Variants in CSNK1G1 observed in about 807,000 individuals in gnomAD.
CSNK1G1 encodes the protein casein kinase 1 gamma 1.
Under a neutral mutation model 59.6 loss-of-function variants are expected in CSNK1G1, and 22 were observed. That is an observed-to-expected ratio of 0.37 (90% CI 0.26 to 0.53). CSNK1G1 has a LOEUF of 0.53. Ranked by LOEUF, CSNK1G1 falls within the 20% of genes least tolerant of loss-of-function variation. CSNK1G1 has a pLI of 0.89. For missense variants in CSNK1G1, 384 were observed against 519.5 expected (o/e 0.74, Z 2.54); for synonymous variants, 179 against 177.1 (o/e 1.01, Z -0.08).
chr15:64,205,021 C>T (rs2140250186), intron 7 of CSNK1G1, 72 bp from the exon 8 acceptor site: 1 of 860,160 alleles, frequency 1.2e-6, no homozygotes, highest in South Asian at 1.7e-5. Flanking sequence ...TGTTTTTGGA[C>T]ACAATGGTTG....
rs1001050849 is a variant in CSNK1G1 at position 64,216,295 on chromosome 15, T to C, written c.444+267A>G. 6.6e-6 allele frequency among the ~76,000 whole-genome samples: 1 copy of C among 152,130 alleles called. No individual in the cohort carries two copies. Among genetic ancestry groups the C allele is most frequent in the African/African-American group, 2.4e-5 (1 of 41,426 alleles). ...TACAACTCCATCTAATCGACCTCTT[T>C]CTCCCTAATCTAAATTATATACTTC... On this transcript the variant is annotated intron_variant, in intron 5 of 11. Coordinates refer to ENST00000303052, the MANE Select transcript of CSNK1G1 (RefSeq NM_022048.5). This position sits in a 1 kb window ranked among gnomAD's most constrained non-coding sequence, Gnocchi z 4.6.
chr15:64,199,399 G>A (rs1356163124), intron 10 of CSNK1G1, among the ~76,000 whole-genome samples: 2 of 152,108 alleles, frequency 1.3e-5, no homozygotes, highest in Admixed American at 1.3e-4. Flanking sequence ...ACTGTGGTCA[G>A]AGACTTTTCA....
chr15:64,177,855 T>C (rs2081759472), intron 11 of CSNK1G1, among the ~76,000 whole-genome samples: 2 of 152,204 alleles, frequency 1.3e-5, no homozygotes, highest in African/African-American at 4.8e-5. Context: ...ATTACTGCAT[T>C]CAAAGTATAC....
At chr15:64,255,644 G>A (rs982737020) in intron 3 of CSNK1G1, among the ~76,000 whole-genome samples, 1 of 152,174 alleles carries the variant, frequency 6.6e-6, no homozygotes, top group Non-Finnish European at 1.5e-5. Context: ...CTTAGGCAAA[G>A]TAATTTCAAA....
chr15:64,345,602 T>C (rs1897911579), intron 1 of CSNK1G1, among the ~76,000 whole-genome samples: 1 of 152,200 alleles, frequency 6.6e-6, no homozygotes, highest in East Asian at 1.9e-4. Context: ...ATGAAATAAT[T>C]AAGCAGTTGT....
At chr15:64,285,829 C>G (rs1894378034) in intron 2 of CSNK1G1, among the ~76,000 whole-genome samples, 1 of 151,728 alleles carries the variant, frequency 6.6e-6, no homozygotes, top group Non-Finnish European at 1.5e-5. Context: ...GGAGTGAGAT[C>G]ACTCTAGTTA....
At chr15:64,323,510 C>T (rs1896678129) in intron 1 of CSNK1G1, among the ~76,000 whole-genome samples, 1 of 152,028 alleles carries the variant, frequency 6.6e-6, no homozygotes, top group Non-Finnish European at 1.5e-5. Flanking sequence ...CGATTACAGG[C>T]ATGTGCCACC....
At chr15:64,307,014 GA>G (rs147358658) in intron 1 of CSNK1G1, among the ~76,000 whole-genome samples, 6,561 of 151,518 alleles carry the variant, frequency 0.043, 243 homozygotes, top group Non-Finnish European at 0.064. Context: ...GAGCCCAGGG[GA>G]TTTTTAGAGC....
At chr15:64,353,871 T>C (rs1027724235) in intron 1 of CSNK1G1, among the ~76,000 whole-genome samples, 4 of 152,204 alleles carry the variant, frequency 2.6e-5, no homozygotes, top group African/African-American at 9.6e-5. Context: ...GTTTCTTGGA[T>C]TTATTTCTAT....
intron 1 of CSNK1G1, among the ~76,000 whole-genome samples, chr15:64,308,172 G>T (rs1004885108): frequency 6.6e-6 from 1 of 152,048 alleles, no homozygotes; most frequent in African/African-American, 2.4e-5. Flanking sequence ...ATTTGTCTTT[G>T]GGTTTACACC....
intron 10 of CSNK1G1, chr15:64,189,461 G>A: frequency 7.8e-7 from 1 of 1,285,056 alleles, no homozygotes; most frequent in Non-Finnish European, 1.0e-6. Flanking sequence ...ATAATGCTCA[G>A]CTGTAACAGT....
chr15:64,336,137 C>T (rs768976449), intron 1 of CSNK1G1, among the ~76,000 whole-genome samples: 4 of 152,138 alleles, frequency 2.6e-5, no homozygotes, highest in African/African-American at 9.7e-5. Flanking sequence ...CTCTGACTTA[C>T]GTACCTAAAC....
chr15:64,318,255 G>A (rs976653709), intron 1 of CSNK1G1, among the ~76,000 whole-genome samples: 4 of 151,914 alleles, frequency 2.6e-5, no homozygotes, highest in Admixed American at 6.6e-5. Context: ...TTCCCGTGAC[G>A]TATCAGTAGG....
chr15:64,255,766 A>G (rs1245784547), intron 3 of CSNK1G1, among the ~76,000 whole-genome samples: 2 of 152,212 alleles, frequency 1.3e-5, no homozygotes, highest in African/African-American at 4.8e-5. Flanking sequence ...TATAGAATCC[A>G]TTAATCAAAG....
chr15:64,314,570 A>T (rs1168479416), intron 1 of CSNK1G1, among the ~76,000 whole-genome samples: 32 of 151,674 alleles, frequency 2.1e-4, no homozygotes, highest in African/African-American at 7.5e-4. Flanking sequence ...AGAATTAAAA[A>T]AAAAAAAAAA....
intron 2 of CSNK1G1, among the ~76,000 whole-genome samples, chr15:64,282,437 A>G (rs111718034): frequency 0.034 from 5,087 of 151,660 alleles, 267 homozygotes; most frequent in African/African-American, 0.12. Context: ...GTTAATTTTT[A>G]TATCTTTTTG....
chr15:64,348,825 AT>A (rs1243373372), intron 1 of CSNK1G1, among the ~76,000 whole-genome samples: 4 of 152,202 alleles, frequency 2.6e-5, no homozygotes, highest in Non-Finnish European at 5.9e-5. Flanking sequence ...CAACAGAGAA[AT>A]TAAAGTGTAT....
intron 4 of CSNK1G1, among the ~76,000 whole-genome samples, chr15:64,217,041 A>G (rs1413478057): frequency 6.6e-6 from 1 of 152,262 alleles, no homozygotes; most frequent in South Asian, 2.1e-4. Context: ...GTGCAGTATC[A>G]TAAAAGGCTC....
Position 64,274,077 on chromosome 15 carries a change from T to TA in CSNK1G1, c.182-14837dup, listed in dbSNP as rs529026086. On this transcript the variant is annotated intron_variant, in intron 2 of 11. Coordinates refer to ENST00000303052, the MANE Select transcript of CSNK1G1 (RefSeq NM_022048.5). The stretch of plus-strand genomic sequence containing the variant: ...ATGTAACACCCAACATAGTGGCTGA[T>TA]ACATCACAAAATGCTAGCTTGCGTT... 3.5e-3 allele frequency among the ~76,000 whole-genome samples: 528 copies of TA among 152,342 alleles called. 4 individuals are homozygous for TA. The highest frequency in any genetic ancestry group is 0.012 in the African/African-American group (500 of 41,574).
Sources: allele counts gnomAD v4.1 joint callset (sites outside exome capture counted in the v4.1 genomes callset), GRCh38; gene constraint gnomAD v4.1.1; non-coding constraint Gnocchi (gnomAD v3.1); transcripts MANE v1.5; gene names NCBI Gene and HGNC (gene_info 2026-07-23, HGNC 2026-07-21).